VANGL1: variants seen among roughly 807,000 people sequenced by gnomAD.
VANGL1 encodes vang-like protein 1.
In VANGL1, 18 loss-of-function variants were observed where a neutral mutation model predicts 48.4. The ratio of observed to expected loss-of-function variants is 0.37; its 90% CI spans 0.26 to 0.55. The LOEUF is 0.55. Among genes scored for constraint, VANGL1 ranks in the 20% least tolerant of loss-of-function variants. VANGL1 has a pLI of 0.81. For synonymous variants in VANGL1, 257 were observed against 261.8 expected, an observed-to-expected ratio of 0.98 and a Z score of 0.18; for missense variants, 667 against 675.8, an observed-to-expected ratio of 0.99 and a Z score of 0.14.
Position 115,689,881 on chromosome 1 carries a change from G to A in VANGL1, c.1315-1238G>A, listed in dbSNP as rs1175856142. Among the ~76,000 whole-genome samples the A allele has an allele frequency of 6.5e-5, 9 of 137,938 alleles. 3 individuals are homozygous for A. The highest frequency in any genetic ancestry group is 2.2e-4 in the African/African-American group (8 of 36,520). 90.5% of individuals were successfully genotyped at this position (137,938 alleles called of 152,430 possible). A position where few individuals can be genotyped will look rare whatever the true frequency, so the allele number is the denominator to read the frequency against. Reference sequence around the variant, plus strand: ...TGAGGCAAGAGAATCACTTGAACCCGGGAGGCGGAGCTTGCAGTGAGCCGA... The same window carrying A: ...TGAGGCAAGAGAATCACTTGAACCCAGGAGGCGGAGCTTGCAGTGAGCCGA... On this transcript the variant is annotated intron_variant, in intron 7 of 7. Transcript: ENST00000355485.
At chr1:115,649,592 G>A (rs760843374) in intron 1 of VANGL1, among the ~76,000 whole-genome samples, 4 of 152,250 alleles carry the variant, frequency 2.6e-5, no homozygotes, top group Non-Finnish European at 5.9e-5. Context: ...TAGCACATCT[G>A]GAGCTCGCGC....
At chr1:115,682,324 G>C in intron 4 of VANGL1, 40 bp from the exon 5 acceptor site, 1 of 1,612,036 alleles carries the variant, frequency 6.2e-7, no homozygotes, top group Non-Finnish European at 8.5e-7. Context: ...TGCTTCTTCA[G>C]TGAAAAAGCT....
At position 115,688,154 on chromosome 1, in the gene VANGL1, G is replaced by C. The variant is rs1488653282; in HGVS notation, c.1314+2627G>C. 2.2e-5 allele frequency among the ~76,000 whole-genome samples: 3 copies of C among 137,288 alleles called. 1 individual carries two copies. The highest frequency in any genetic ancestry group is 1.5e-4 in the Admixed American group (2 of 13,304). 90.1% of individuals were successfully genotyped at this position (137,288 alleles called of 152,430 possible). A position where few individuals can be genotyped will look rare whatever the true frequency, so the allele number is the denominator to read the frequency against. On this transcript the variant is annotated intron_variant, in intron 7 of 7. Transcript: ENST00000355485. ...GAGAGATATAGATATATAAAACTTT[G>C]CTTTTTTTTCTTAAAGTCATCCGTT...
rs1264696721 is a variant in VANGL1, at chr1:115,687,986, A to ATAGATAGG, written c.1314+2463_1314+2464insTAGGTAGA. ...GATAGATAGATAGATAGATAGATAG[A>ATAGATAGG]TAGACACATAGATAGATACATAGAT... On this transcript the variant is annotated intron_variant, in intron 7 of 7. Transcript: ENST00000355485. 6.1e-4 allele frequency among the ~76,000 whole-genome samples: 82 copies of ATAGATAGG among 134,232 alleles called. 18 individuals carry two copies. Among genetic ancestry groups the ATAGATAGG allele is most frequent in the Non-Finnish European group, 1.2e-3 (72 of 62,204 alleles). The allele number at this position is 134,232 out of a possible 152,430, so 88.1% of individuals were successfully genotyped here.
At position 115,681,829 on chromosome 1, in the gene VANGL1, G is replaced by C. The variant is rs142878644; in HGVS notation, c.813-535G>C. ...GCCAAGGCCCTCTTAAGTACGCTCT[G>C]CCCTGGATGGCTGCAGTTGTTCTGG... On this transcript the variant is annotated intron_variant, in intron 4 of 7. Coordinates refer to ENST00000355485, the MANE Select transcript of VANGL1 (RefSeq NM_138959.3). Among the ~76,000 whole-genome samples, 505 of 152,254 alleles carry C rather than the reference G, an allele frequency of 3.3e-3. 3 individuals carry two copies. Among genetic ancestry groups the C allele is most frequent in the African/African-American group, 0.012 (491 of 41,546 alleles).
chr1:115,666,811 T>G (rs903153775), intron 4 of VANGL1, among the ~76,000 whole-genome samples: 4 of 152,164 alleles, frequency 2.6e-5, no homozygotes, highest in Admixed American at 1.3e-4. Flanking sequence ...ACATCTTTAC[T>G]GACAAATGGA....
In VANGL1 at chr1:115,690,834, C is replaced by T. The variant is rs115900220; in HGVS notation, c.1315-285C>T. 9.5e-3 allele frequency among the ~76,000 whole-genome samples: 1,453 copies of T among 152,314 alleles called. 15 individuals are homozygous for T. Among genetic ancestry groups the T allele is most frequent in the Non-Finnish European group, 0.015 (1,005 of 68,030 alleles). On this transcript the variant is annotated intron_variant, in intron 7 of 7. Transcript: ENST00000355485. The stretch of plus-strand genomic sequence containing the variant: ...AGCCATGACGGCTTCCAGCCAGACA[C>T]TGACACCAGCCACCCCATTTTCCCT...
At chr1:115,664,988 T>G (rs1652717856) in intron 4 of VANGL1, among the ~76,000 whole-genome samples, 1 of 152,200 alleles carries the variant, frequency 6.6e-6, no homozygotes, top group South Asian at 2.1e-4. Context: ...ACCTAGGTAT[T>G]ATTAATCCCT....
At chr1:115,674,802 A>G (rs974459864) in intron 4 of VANGL1, among the ~76,000 whole-genome samples, 2 of 152,172 alleles carry the variant, frequency 1.3e-5, no homozygotes, top group African/African-American at 4.8e-5. Context: ...ATAAAGTGTG[A>G]GGGCATCAGC....
intron 6 of VANGL1, among the ~76,000 whole-genome samples, chr1:115,684,764 A>G (rs573668082): frequency 6.0e-4 from 91 of 152,260 alleles, no homozygotes; most frequent in African/African-American, 2.1e-3. Context: ...GTTCACCGTC[A>G]GGTCATATTC....
chr1:115,693,142 T>C lies in VANGL1; in HGVS notation c.*1763T>C, dbSNP rs1653906500. The stretch of plus-strand genomic sequence containing the variant: ...ATAGGTGTGGCGTGGAGCCAAGATG[T>C]ACTATTCAACTATGTGTTTCTGTTT... On this transcript the variant is annotated 3_prime_UTR_variant, in exon 8 of 8. Transcript: ENST00000355485. 1 of 152,656 alleles carries C rather than the reference T, an allele frequency of 6.6e-6. No homozygotes were observed. Among genetic ancestry groups the C allele is most frequent in the Non-Finnish European group, 1.5e-5 (1 of 68,048 alleles). 9.5% of individuals were successfully genotyped at this position (152,656 alleles called of 1,614,324 possible).
At chr1:115,645,523 CAGTTA>C (rs1462892882) in intron 1 of VANGL1, among the ~76,000 whole-genome samples, 1 of 152,118 alleles carries the variant, frequency 6.6e-6, no homozygotes, top group Non-Finnish European at 1.5e-5. Context: ...AGGCAGAGAG[CAGTTA>C]AGTAACTTGT....
rs1176827723 is a variant in VANGL1 at position 115,685,428 on chromosome 1, C to T, written c.1215C>T (p.Leu405=). 1.9e-6 allele frequency: 3 copies of T among 1,614,126 alleles called. No homozygotes were observed. The highest frequency in any genetic ancestry group is 1.7e-5 in the Admixed American group (1 of 60,022). The change falls in exon 7 of 8, where the codon CTC becomes CTT. Residue 405 remains leucine, a synonymous_variant. Transcript: ENST00000355485. ...TTTTCCCCTCCATGGCCAGGGCTCT[C>T]CAGAAGTACCTGCGCATCACCCGGC... ...QAIFPSMARA[L]QKYLRITRQQ... is the part of the protein sequence containing the mutation.
rs766243490 is a variant in VANGL1, at chr1:115,659,626, A to G, written c.72-15A>G. ...TAACATGGCATAAATGTGCTAGCTC[A>G]TTGTTGTTTTTCAGGGAAAGAACTA... On this transcript the variant is annotated splice_polypyrimidine_tract_variant and intron_variant, in intron 2 of 7. Transcript: ENST00000355485. 19 of 1,613,638 alleles carry G rather than the reference A, an allele frequency of 1.2e-5. No homozygotes were observed. Among genetic ancestry groups the G allele is most frequent in the Admixed American group, 1.7e-5 (1 of 59,958 alleles).
chr1:115,643,894 A>G lies in VANGL1; in HGVS notation c.-138+1808A>G, dbSNP rs747710968. 9.2e-5 allele frequency among the ~76,000 whole-genome samples: 14 copies of G among 152,206 alleles called. 1 individual carries two copies. The East Asian group carries it at 2.5e-3, about 27-fold the overall frequency. ...CTTGCTACCCTAGGCCTTATCAGCT[A>G]TTTTGGTGGGATGGGCCCTTGTCAC... On this transcript the variant is annotated intron_variant, in intron 1 of 7. Transcript: ENST00000355485.
At position 115,665,596 on chromosome 1, in the gene VANGL1, G is replaced by C. The variant is rs146172874; in HGVS notation, c.812+1328G>C. ...TACCCTCCTCCATTCCTCTGGCTTG[G>C]CTTGTGCTACGAGAACGGGATGATC... On this transcript the variant is annotated intron_variant, in intron 4 of 7. Transcript: ENST00000355485. 5.6e-3 allele frequency among the ~76,000 whole-genome samples: 857 copies of C among 152,290 alleles called. 2 individuals are homozygous for C. Among genetic ancestry groups the C allele is most frequent in the African/African-American group, 0.019 (772 of 41,556 alleles).
intron 4 of VANGL1, among the ~76,000 whole-genome samples, chr1:115,666,703 T>C (rs1652805952): frequency 6.6e-6 from 1 of 152,152 alleles, no homozygotes; most frequent in East Asian, 1.9e-4. Flanking sequence ...TTTAGGACCA[T>C]TGGTGTTCCT....
At position 115,664,290 on chromosome 1, in the gene VANGL1, G is replaced by A. The variant is rs766188359; in HGVS notation, c.812+22G>A. 72 of 1,611,610 alleles carry A rather than the reference G, an allele frequency of 4.5e-5. No individual in the cohort carries two copies. The Admixed American group carries it at 1.2e-3, about 26-fold the overall frequency. Reference sequence around the variant, plus strand: ...TGAGGTAAGAGGCAACATCCAGGAGGCAGAAAGGATGGCTGATGTCTTGCT... The same window carrying A: ...TGAGGTAAGAGGCAACATCCAGGAGACAGAAAGGATGGCTGATGTCTTGCT... On this transcript the variant is annotated intron_variant, in intron 4 of 7. Transcript: ENST00000355485.
chr1:115,685,450 C>G lies in VANGL1; in HGVS notation c.1237C>G (p.Arg413Gly), dbSNP rs755820435. Residue 413 changes from arginine to glycine, a missense_variant, in exon 7 of 8, where the codon CGG becomes GGG. Transcript: ENST00000355485. ...TCTCCAGAAGTACCTGCGCATCACCCGGCAGCAGAACTACCACAGCATGGA... is the reference window on the plus strand; with the variant it reads ...TCTCCAGAAGTACCTGCGCATCACCGGGCAGCAGAACTACCACAGCATGGA... ...RALQKYLRIT[R>G]QQNYHSMESI... The G allele has an allele frequency of 1.2e-6, 2 of 1,614,128 alleles. No individual in the cohort carries two copies. The highest frequency in any genetic ancestry group is 2.2e-5 in the South Asian group (2 of 91,072).
Sources: gnomAD v4.1 joint callset for allele counts (sites outside exome capture counted in the v4.1 genomes callset) on GRCh38, gnomAD v4.1.1 for gene constraint, MANE v1.5 for transcripts, NCBI Gene and HGNC (gene_info 2026-07-23, HGNC 2026-07-21) for gene names.